The following TTN variants were observed in gnomAD, a reference collection of about 807,000 sequenced individuals.
TTN encodes the protein connectin.
In TTN, 1,525 loss-of-function variants were observed where a neutral mutation model predicts 3,223.0. The observed-to-expected ratio is 0.47, with a 90% CI of 0.45 to 0.49. The LOEUF (loss-of-function observed/expected upper bound fraction) is 0.49. Among genes scored for constraint, TTN ranks in the 20% least tolerant of loss-of-function variants. The pLI is 0.00. For synonymous variants in TTN, 14,094 were observed against 15,161.0 expected (o/e 0.93, Z 5.17); for missense variants, 40,786 against 43,424.0 (o/e 0.94, Z 5.40).
chr2:178,578,603 C>CA lies in TTN; in HGVS notation c.68329+7dup. ...GTAAAAGCTGTAGGATAAGAACAAA[C>CA]AAAATACCTGTAATTGGAGAACCAC... On this transcript the variant is annotated splice_region_variant and intron_variant, in intron 321 of 362. Coordinates refer to ENST00000589042, the MANE Select transcript of TTN (RefSeq NM_001267550.2). 6.2e-7 allele frequency: 1 copy of CA among 1,602,778 alleles called. No individual in the cohort carries two copies. Among genetic ancestry groups the CA allele is most frequent in the Admixed American group, 1.7e-5 (1 of 59,298 alleles).
intron 1 of TTN, among the ~76,000 whole-genome samples, chr2:178,804,957 T>C (rs2094244963): frequency 6.6e-6 from 1 of 152,136 alleles, no homozygotes; most frequent in South Asian, 2.1e-4. Flanking sequence ...TTACCAATGG[T>C]GGAAAACCAG....
rs1560830199 is a variant in TTN at position 178,733,765 on chromosome 2, G to A, written c.15624C>T (p.Ile5208=). The A allele has an allele frequency of 3.1e-6, 5 of 1,613,808 alleles. No homozygotes were observed. The highest frequency in any genetic ancestry group is 4.2e-6 in the Non-Finnish European group (5 of 1,179,768). The change falls in exon 53 of 363, where the codon ATC becomes ATT. Residue 5208 remains isoleucine (I), a synonymous_variant. Coordinates refer to ENST00000589042, the MANE Select transcript of TTN (RefSeq NM_001267550.2). ...TCATTTTGATTTTTCCGTCTTCTCT[G>A]ATGACCTCTTGACCTTTCATCCATG... ...SVTWMKGQEV[I]REDGKIKMSF...
chr2:178,669,696 C>T (rs2066627616), intron 157 of TTN, 21 bp from the exon 158 acceptor site: 1 of 1,606,698 alleles, frequency 6.2e-7, no homozygotes. Context: ...ATTTATTTAT[C>T]TTATTTTTTC....
At position 178,527,091 on chromosome 2, in the gene TTN, C is replaced by T. The variant is rs727505008; in HGVS notation, c.107897G>A (p.Gly35966Asp). 20 of 1,613,926 alleles carry T rather than the reference C, an allele frequency of 1.2e-5. No individual in the cohort carries two copies. The highest frequency in any genetic ancestry group is 1.5e-5 in the Non-Finnish European group (18 of 1,179,852). The change falls in exon 363 of 363, where the codon GGT becomes GAT. Residue 35966 changes from glycine to aspartate, a missense_variant. Gly to Asp is a moderately conservative substitution (Grantham distance 94). Coordinates refer to ENST00000589042, the MANE Select transcript of TTN (RefSeq NM_001267550.2). ...LIIMDVQKQDGGLYTLSLGNE... is the reference protein window; with the variant it reads ...LIIMDVQKQDDGLYTLSLGNE... ...CCCTAAACTCAGGGTATAAAGTCCA[C>T]CATCTTGTTTCTGTACGTCCATGAT...
chr2:178,792,811 A>T (rs567036878), intron 9 of TTN, among the ~76,000 whole-genome samples: 5 of 152,204 alleles, frequency 3.3e-5, no homozygotes, highest in African/African-American at 1.2e-4. Context: ...CTTGAAATTC[A>T]TCTTCTCAAA....
chr2:178,587,294 C>T lies in TTN; in HGVS notation c.63917G>A (p.Arg21306His), dbSNP rs202240487. Residue 21306 changes from arginine (R) to histidine (H), a missense_variant, in exon 307 of 363, where the codon CGT (arginine) becomes CAT (histidine). Coordinates refer to ENST00000589042, the MANE Select transcript of TTN (RefSeq NM_001267550.2). ...SQVTHYIVEK[R>H]EADRKTWSTV... ...CGACCATGTCTTTCTGTCTGCCTCA[C>T]GTTTCTCCACGATATAATGTGTCAC... The T allele has an allele frequency of 9.6e-4, 1,556 of 1,613,048 alleles. 19 individuals carry two copies. In the South Asian group the frequency reaches 0.013, roughly 14 times the overall value.
At position 178,766,458 on chromosome 2, in the gene TTN, T is replaced by C; in HGVS notation, c.9626A>G (p.Glu3209Gly). Residue 3209 changes from glutamate (E) to glycine (G), a missense_variant, in exon 41 of 363, where the codon GAG becomes GGG. By Grantham distance (98) the Glu-to-Gly change is moderately conservative (BLOSUM62 -2). Coordinates refer to ENST00000589042, the MANE Select transcript of TTN (RefSeq NM_001267550.2). ...TTCTCCTGCATCGCTCTGTCTGGTC[T>C]CAGAGATAAACATTCGGTGGATTCT... ...ERRIHRMFIS[E>G]TRQSDAGEYT... The C allele has an allele frequency of 6.2e-7, 1 of 1,614,198 alleles. No individual in the cohort carries two copies.
At position 178,712,468 on chromosome 2, in the gene TTN, C is replaced by A; in HGVS notation, c.27454G>T (p.Val9152Leu). Residue 9152 changes from valine (V) to leucine (L), a missense_variant, in exon 95 of 363, where the codon GTA (valine) becomes TTA (leucine). Transcript: ENST00000589042. ...SVTWKKNGIN[V>L]TPSQRCNITT... The stretch of plus-strand genomic sequence containing the variant: ...ATATTACACCTCTGAGAAGGAGTTA[C>A]ATTTATGCCATTTTTCTTCCAGGTA... The A allele has an allele frequency of 6.2e-7, 1 of 1,613,746 alleles. No individual in the cohort carries two copies. Among genetic ancestry groups the A allele is most frequent in the Non-Finnish European group, 8.5e-7 (1 of 1,179,782 alleles).
chr2:178,776,422 C>T lies in TTN; in HGVS notation c.5442G>A (p.Gln1814=), dbSNP rs2092233718. 1.2e-6 allele frequency: 2 copies of T among 1,610,868 alleles called. No individual in the cohort carries two copies. The highest frequency in any genetic ancestry group is 1.6e-4 in the Middle Eastern group (1 of 6,084). The change falls in exon 28 of 363, where the codon CAG becomes CAA. Residue 1814 remains glutamine, a synonymous_variant. Coordinates refer to ENST00000589042, the MANE Select transcript of TTN (RefSeq NM_001267550.2). ...CCATTCTCTCTAATTCTTCAATTCT[C>T]TGTAAGCCTTTCCTCCCCTCAGGCA... ...SQLPEGRKGL[Q]RIEELERMAH...
chr2:178,704,279 G>A lies in TTN; in HGVS notation c.30091C>T (p.Gln10031Ter), dbSNP rs762495016. ...WFRNGRILKPQGRHKTEVEHK... is the reference protein window; with the variant it reads ...WFRNGRILKP ...TCCACTTCTGTTTTATGTCTACCTT[G>A]GGGTTTAAGGATTCTGCCATTTCTG... is the stretch of plus-strand genomic sequence containing the variant. The change falls in exon 106 of 363, where the codon CAA becomes TAA. Residue 10031 changes from glutamine to a stop codon, truncating the protein, a stop_gained. Coordinates refer to ENST00000589042, the MANE Select transcript of TTN (RefSeq NM_001267550.2). LOFTEE classifies it high-confidence loss of function. 1 of 1,613,968 alleles carries A rather than the reference G, an allele frequency of 6.2e-7. No individual in the cohort carries two copies. Among genetic ancestry groups the A allele is most frequent in the South Asian group, 1.1e-5 (1 of 91,084 alleles).
At chr2:178,667,089 G>A (rs1312470397) in intron 162 of TTN, 147 bp downstream of exon 162, 2 of 905,246 alleles carry the variant, frequency 2.2e-6, no homozygotes, top group Non-Finnish European at 3.3e-6. Flanking sequence ...CAAGTCATAG[G>A]TCATTCTTTG....
chr2:178,622,596 T>C, intron 243 of TTN, 74 bp downstream of exon 243: 2 of 1,275,012 alleles, frequency 1.6e-6, no homozygotes, highest in Non-Finnish European at 2.2e-6. Context: ...ACTTTTTTTT[T>C]TCCATTTTGG....
chr2:178,771,495 A>G, intron 33 of TTN, 24 bp from the exon 34 acceptor site: 5 of 1,613,870 alleles, frequency 3.1e-6, no homozygotes, highest in Non-Finnish European at 1.7e-6. Context: ...GATGTACAGT[A>G]TGAGTCCTTT....
rs150223722 is a variant in TTN, at chr2:178,652,878, G to A, written c.38929C>T (p.Pro12977Ser). The change falls in exon 200 of 363, where the codon CCT (proline) becomes TCT (serine). Residue 12977 changes from proline to serine, a missense_variant. Coordinates refer to ENST00000589042, the MANE Select transcript of TTN (RefSeq NM_001267550.2). The stretch of plus-strand genomic sequence containing the variant: ...ACAGGAGGGACTTCAGGCTTTTTAG[G>A]AGGAGCCAAGGGCATTTTCTTTTCA... ...VPEKKMPLAPPKKPEVPPVKV... is the reference protein window; with the variant it reads ...VPEKKMPLAPSKKPEVPPVKV... 6.2e-3 allele frequency: 9,925 copies of A among 1,611,716 alleles called. 66 individuals are homozygous for A. The highest frequency in any genetic ancestry group is 0.023 in the South Asian group (2,093 of 90,722).
Position 178,606,912 on chromosome 2 carries a change from T to C in TTN, c.53581+109A>G. Reference sequence around the variant, plus strand: ...TTGATTTACTTTTCTTATTACTCTTTAGCTATAGATTTTGAGACTGTTGGG... The same window carrying C: ...TTGATTTACTTTTCTTATTACTCTTCAGCTATAGATTTTGAGACTGTTGGG... On this transcript the variant is annotated intron_variant, in intron 278 of 362. Coordinates refer to ENST00000589042, the MANE Select transcript of TTN (RefSeq NM_001267550.2). 1.6e-6 allele frequency: 2 copies of C among 1,230,134 alleles called. 1 individual carries two copies. The highest frequency in any genetic ancestry group is 5.0e-5 in the East Asian group (2 of 40,014). The allele number at this position is 1,230,134 out of a possible 1,614,324, so 76.2% of individuals were successfully genotyped here. A position where few individuals can be genotyped will look rare whatever the true frequency, so the allele number is the denominator to read the frequency against.
rs756971960 is a variant in TTN, at chr2:178,789,343, G to T, written c.2076+17C>A. ...TATTATAATAGGGGATTTCACACTT[G>T]GAACAACAATAGTCACCTTTCCATG... On this transcript the variant is annotated intron_variant, in intron 13 of 362. Coordinates refer to ENST00000589042, the MANE Select transcript of TTN (RefSeq NM_001267550.2). 1 of 1,612,768 alleles carries T rather than the reference G, an allele frequency of 6.2e-7. No homozygotes were observed. The highest frequency in any genetic ancestry group is 1.1e-5 in the South Asian group (1 of 91,024).
Position 178,782,239 on chromosome 2 carries a change from G to C in TTN, c.3353C>G (p.Ser1118Cys), listed in dbSNP as rs2092847836. The C allele has an allele frequency of 1.2e-6, 2 of 1,614,114 alleles. No individual in the cohort carries two copies. The highest frequency in any genetic ancestry group is 1.1e-5 in the South Asian group (1 of 91,084). Reference sequence around the variant, plus strand: ...GTATCCAGTGGTTAGAGGAACACCAGATTTTTTCCAGTATACATGGGGCTT... The same window carrying C: ...GTATCCAGTGGTTAGAGGAACACCACATTTTTTCCAGTATACATGGGGCTT... ...NPKPHVYWKK[S>C]GVPLTTGYRY... Residue 1118 changes from serine (S) to cysteine (C), a missense_variant, in exon 20 of 363, where the codon TCT becomes TGT. By Grantham distance (112) the Ser-to-Cys change is moderately radical (BLOSUM62 -1). Coordinates refer to ENST00000589042, the MANE Select transcript of TTN (RefSeq NM_001267550.2).
At chr2:178,802,424 G>T in intron 2 of TTN, 83 bp from the exon 3 acceptor site, 1 of 1,473,568 alleles carries the variant, frequency 6.8e-7, no homozygotes, top group Non-Finnish European at 9.3e-7. Context: ...TCACTGCCTT[G>T]TCCGAATCTG....
Position 178,734,459 on chromosome 2 carries a change from C to T in TTN, c.15365G>A (p.Arg5122Lys), listed in dbSNP as rs754945452. 2 of 1,613,700 alleles carry T rather than the reference C, an allele frequency of 1.2e-6. No homozygotes were observed. Among genetic ancestry groups the T allele is most frequent in the South Asian group, 2.2e-5 (2 of 91,058 alleles). ...CACAAGAGACTTCTGAGAAAACAAT[C>T]TGTATTTTTTACTACTTCGAATTTG... ...KKQIRSSKKY[R>K]LFSQKSLVCL... The change falls in exon 52 of 363, where the codon AGA becomes AAA. Residue 5122 changes from arginine to lysine, a missense_variant. Transcript: ENST00000589042.
Sources: gnomAD v4.1 joint callset for allele counts (sites outside exome capture counted in the v4.1 genomes callset) on GRCh38, gnomAD v4.1.1 for gene constraint, MANE v1.5 for transcripts, NCBI Gene and HGNC (gene_info 2026-07-23, HGNC 2026-07-21) for gene names.